NEXMIF: variants seen among roughly 807,000 people sequenced by gnomAD.
NEXMIF encodes the protein XLMR protein related to neurite extension.
NEXMIF carries 8 observed loss-of-function variants against 62.1 expected under a neutral mutation model. The ratio of observed to expected loss-of-function variants is 0.13; its 90% CI spans 0.08 to 0.23. The LOEUF (loss-of-function observed/expected upper bound fraction) is 0.23, where lower values mean the gene tolerates loss of function less well. Ranked by LOEUF, NEXMIF falls within the 10% of genes least tolerant of loss-of-function variation. The pLI, the probability that NEXMIF is intolerant of heterozygous loss-of-function variation, is 1.00. For synonymous variants in NEXMIF, 404 were observed against 416.6 expected (o/e 0.97, Z 0.37); for missense variants, 976 against 1,113.3 (o/e 0.88, Z 1.75).
intron 1 of NEXMIF, among the ~76,000 whole-genome samples, chrX:74,885,002 C>G (rs1479980638): frequency 1.8e-5 from 2 of 110,610 alleles, no homozygotes; most frequent in Non-Finnish European, 3.8e-5. Flanking sequence ...TCACTCAAAA[C>G]CACTCAACTA....
chrX:74,817,135 C>G (rs1261274810), intron 1 of NEXMIF, among the ~76,000 whole-genome samples: 1 of 111,592 alleles, frequency 9.0e-6, no homozygotes, highest in African/African-American at 3.3e-5. Flanking sequence ...CTAACCTAGA[C>G]AAAAGCCCTA....
chrX:74,876,892 T>G (rs1339108237), intron 1 of NEXMIF, among the ~76,000 whole-genome samples: 22 of 110,607 alleles, frequency 2.0e-4, no homozygotes, highest in African/African-American at 7.2e-4. Flanking sequence ...TGTCTCTGCA[T>G]GTGAGATGGG....
chrX:74,818,055 C>T (rs866695223), intron 1 of NEXMIF, among the ~76,000 whole-genome samples: 45 of 110,072 alleles, frequency 4.1e-4, no homozygotes, highest in African/African-American at 1.4e-3. Context: ...AGATTCAATG[C>T]TATTCCTATG....
intron 1 of NEXMIF, among the ~76,000 whole-genome samples, chrX:74,833,935 C>T (rs1157485067): frequency 2.7e-5 from 3 of 109,748 alleles, no homozygotes; most frequent in Non-Finnish European, 5.7e-5. Context: ...CACCTGAGGT[C>T]GGGAGTCTGA....
rs1432136600 is a variant in NEXMIF at position 74,871,227 on chromosome X, G to T, written c.-48+53656C>A. 6.7e-4 allele frequency among the ~76,000 whole-genome samples: 75 copies of T among 111,215 alleles called. No homozygotes were observed. The Admixed American group carries it at 7.1e-3, about 11-fold the overall frequency. On this transcript the variant is annotated intron_variant, in intron 1 of 3. Transcript: ENST00000055682. Reference sequence around the variant, plus strand: ...AGAAATTTTATAGCTGGGCCTCCGGGGGTGTCATCACATATTGGTAGGACC... The same window carrying T: ...AGAAATTTTATAGCTGGGCCTCCGGTGGTGTCATCACATATTGGTAGGACC...
chrX:74,909,797 T>C (rs2147373127), intron 1 of NEXMIF, among the ~76,000 whole-genome samples: 1 of 111,881 alleles, frequency 8.9e-6, no homozygotes, highest in East Asian at 2.8e-4. Flanking sequence ...ATTTGGTGCC[T>C]TGTGTCTCAG....
intron 1 of NEXMIF, among the ~76,000 whole-genome samples, chrX:74,880,083 C>G (rs900648578): frequency 1.8e-5 from 2 of 112,258 alleles, no homozygotes; most frequent in African/African-American, 6.5e-5. Context: ...CAGGCTCAAC[C>G]ATACCTCCTG....
At chrX:74,838,728 A>G (rs1163149860) in intron 1 of NEXMIF, among the ~76,000 whole-genome samples, 3 of 112,000 alleles carry the variant, frequency 2.7e-5, no homozygotes, top group Non-Finnish European at 5.6e-5. Context: ...CTGAAACTGA[A>G]GATCTCTCCC....
At chrX:74,864,427 T>C (rs1022916866) in intron 1 of NEXMIF, among the ~76,000 whole-genome samples, 1 of 112,162 alleles carries the variant, frequency 8.9e-6, no homozygotes, top group Non-Finnish European at 1.9e-5. Flanking sequence ...ACATCTTGAA[T>C]GTAGCTCTCA....
intron 1 of NEXMIF, among the ~76,000 whole-genome samples, chrX:74,915,719 C>G (rs1231458689): frequency 9.0e-6 from 1 of 111,052 alleles, no homozygotes. Context: ...ATGATGGAAG[C>G]AAGATTTAAG....
chrX:74,778,245 A>G (rs1450158785), intron 1 of NEXMIF, among the ~76,000 whole-genome samples: 1 of 111,684 alleles, frequency 9.0e-6, no homozygotes. Flanking sequence ...CCTCTTATAA[A>G]TATTCATAGA....
At chrX:74,750,663 G>A (rs1182821503) in intron 1 of NEXMIF, among the ~76,000 whole-genome samples, 1 of 111,767 alleles carries the variant, frequency 8.9e-6, no homozygotes, top group East Asian at 2.8e-4. Context: ...ATCAGCAACA[G>A]TACAGGGAGC....
At chrX:74,780,373 CTGTT>C (rs1305569971) in intron 1 of NEXMIF, among the ~76,000 whole-genome samples, 1 of 106,112 alleles carries the variant, frequency 9.4e-6, no homozygotes, top group Admixed American at 1.0e-4. Context: ...AACCATCTTA[CTGTT>C]TTTTTTTTTT....
intron 1 of NEXMIF, among the ~76,000 whole-genome samples, chrX:74,824,323 C>T (rs1045483028): frequency 3.6e-5 from 4 of 111,929 alleles, no homozygotes. Context: ...CTATCTGATT[C>T]CATGAGTTTG....
intron 1 of NEXMIF, among the ~76,000 whole-genome samples, chrX:74,851,348 T>C (rs1457088258): frequency 1.8e-5 from 2 of 111,440 alleles, no homozygotes; most frequent in Non-Finnish European, 3.8e-5. Flanking sequence ...TAGCAGGAGA[T>C]TTAGACATCC....
At chrX:74,877,130 A>T (rs997291779) in intron 1 of NEXMIF, among the ~76,000 whole-genome samples, 2 of 111,723 alleles carry the variant, frequency 1.8e-5, no homozygotes, top group African/African-American at 6.5e-5. Flanking sequence ...CAGCTGGTAC[A>T]GGTCGTTCCT....
At position 74,889,457 on chromosome X, in the gene NEXMIF, A is replaced by T. The variant is rs1340200304; in HGVS notation, c.-48+35426T>A. Among the ~76,000 whole-genome samples, 3 of 111,966 alleles carry T rather than the reference A, an allele frequency of 2.7e-5. 1 individual carries two copies. Among genetic ancestry groups the T allele is most frequent in the African/African-American group, 6.5e-5 (2 of 30,809 alleles). The stretch of plus-strand genomic sequence containing the variant: ...GCAAACCTTAGAAAACTTTTTATTT[A>T]TTTACTTATTTATTTTAATCCTTGT... On this transcript the variant is annotated intron_variant, in intron 1 of 3. Coordinates refer to ENST00000055682, the MANE Select transcript of NEXMIF (RefSeq NM_001008537.3).
At chrX:74,856,351 A>G (rs2080534922) in intron 1 of NEXMIF, among the ~76,000 whole-genome samples, 1 of 111,941 alleles carries the variant, frequency 8.9e-6, no homozygotes, top group Non-Finnish European at 1.9e-5. Context: ...AGTGAACTTG[A>G]AGATATATTG....
intron 1 of NEXMIF, among the ~76,000 whole-genome samples, chrX:74,817,199 T>C (rs994209869): frequency 8.9e-6 from 1 of 111,790 alleles, no homozygotes; most frequent in Admixed American, 9.5e-5. Flanking sequence ...AATTCAATTC[T>C]TGAATTTGAA....
Sources: gnomAD v4.1 joint callset for allele counts (sites outside exome capture counted in the v4.1 genomes callset) on GRCh38, gnomAD v4.1.1 for gene constraint, MANE v1.5 for transcripts, NCBI Gene and HGNC (gene_info 2026-07-23, HGNC 2026-07-21) for gene names.